The following PALLD variants were observed in gnomAD, a reference collection of about 807,000 sequenced individuals.
PALLD encodes the protein palladin, cytoskeletal associated protein.
Under a neutral mutation model 123.5 loss-of-function variants are expected in PALLD, and 61 were observed. The observed-to-expected ratio is 0.49, with a 90% CI of 0.40 to 0.61. The LOEUF is 0.61. Among genes scored for constraint, PALLD ranks in the 20% least tolerant of loss-of-function variants. The probability of loss-of-function intolerance (pLI) is 0.00; values close to 1 mark genes in which losing one functional copy is unlikely to be tolerated. For missense variants in PALLD, 1,273 were observed against 1,377.0 expected (o/e 0.92, Z 1.20); for synonymous variants, 465 against 496.4 (o/e 0.94, Z 0.84).
intron 13 of PALLD, among the ~76,000 whole-genome samples, chr4:168,897,017 G>C (rs1358212321): frequency 6.6e-6 from 1 of 152,082 alleles, no homozygotes; most frequent in Admixed American, 6.6e-5. Context: ...TTTTAGCAGA[G>C]ATGGGGTTTC....
intron 10 of PALLD, among the ~76,000 whole-genome samples, chr4:168,771,086 A>AAG (rs1734372216): frequency 7.2e-6 from 1 of 138,122 alleles, no homozygotes; most frequent in African/African-American, 2.6e-5. Context: ...CAAAAAAAAA[A>AAG]CCTTAGTTTC....
chr4:168,600,136 T>C (rs6812455), intron 2 of PALLD, among the ~76,000 whole-genome samples: 3,725 of 149,422 alleles, frequency 0.025, 243 homozygotes, highest in African/African-American at 0.088. Context: ...TATACACACA[T>C]ATATACATAT....
chr4:168,843,315 C>T (rs569913906), intron 10 of PALLD, among the ~76,000 whole-genome samples: 2 of 152,226 alleles, frequency 1.3e-5, no homozygotes, highest in Non-Finnish European at 2.9e-5. Context: ...ATCACAGGCT[C>T]CACCTGGTCA....
chr4:168,668,039 G>A, intron 2 of PALLD, 151 bp from the exon 3 acceptor site: 1 of 674,886 alleles, frequency 1.5e-6, no homozygotes, highest in South Asian at 1.7e-5. Flanking sequence ...CTAAATTGTA[G>A]AGTTTCCATT....
chr4:168,719,711 C>A (rs2150253370), intron 10 of PALLD, among the ~76,000 whole-genome samples: 1 of 152,256 alleles, frequency 6.6e-6, no homozygotes, highest in Non-Finnish European at 1.5e-5. Flanking sequence ...GATAATTTTT[C>A]TGATCCTCTC....
intron 12 of PALLD, among the ~76,000 whole-genome samples, chr4:168,895,692 A>G (rs1754979990): frequency 6.6e-6 from 1 of 152,236 alleles, no homozygotes; most frequent in Non-Finnish European, 1.5e-5. Flanking sequence ...GGTCTTGCTT[A>G]TCTCAGGGGT....
At chr4:168,768,652 G>A (rs1400272592) in intron 10 of PALLD, among the ~76,000 whole-genome samples, 2 of 152,152 alleles carry the variant, frequency 1.3e-5, no homozygotes, top group Non-Finnish European at 2.9e-5. Context: ...TCTGGCCATG[G>A]CAGCTAATTT....
At chr4:168,787,796 G>A (rs1736956981) in intron 10 of PALLD, among the ~76,000 whole-genome samples, 1 of 152,162 alleles carries the variant, frequency 6.6e-6, no homozygotes, top group Non-Finnish European at 1.5e-5. Context: ...CTTGCTCCTA[G>A]CTCTCGAAGC....
chr4:168,787,882 C>CTT (rs1276707277), intron 10 of PALLD, among the ~76,000 whole-genome samples: 3 of 152,160 alleles, frequency 2.0e-5, no homozygotes, highest in African/African-American at 7.2e-5. Flanking sequence ...ACATTACACA[C>CTT]TTATGTATGT....
chr4:168,691,888 T>C (rs982391976), intron 8 of PALLD, among the ~76,000 whole-genome samples: 1 of 152,166 alleles, frequency 6.6e-6, no homozygotes, highest in African/African-American at 2.4e-5. Flanking sequence ...GGCCTAGCTG[T>C]TCCCTGCCTC....
chr4:168,858,890 T>G (rs891443201), intron 10 of PALLD, among the ~76,000 whole-genome samples: 2 of 152,200 alleles, frequency 1.3e-5, no homozygotes, highest in African/African-American at 4.8e-5. Flanking sequence ...GTTCTGCCCA[T>G]TGTCTGGCAC....
intron 2 of PALLD, among the ~76,000 whole-genome samples, chr4:168,584,473 A>C (rs1205857548): frequency 6.6e-6 from 1 of 152,208 alleles, no homozygotes; most frequent in East Asian, 1.9e-4. Context: ...GGATTTTGTC[A>C]TCTTTCCATT....
At chr4:168,500,564 T>C (rs929971300) in intron 1 of PALLD, among the ~76,000 whole-genome samples, 1 of 152,096 alleles carries the variant, frequency 6.6e-6, no homozygotes, top group Non-Finnish European at 1.5e-5. Flanking sequence ...TTTGTAGAGA[T>C]GAAATCTAAC....
At chr4:168,771,078 A>AAAC (rs58430179) in intron 10 of PALLD, among the ~76,000 whole-genome samples, 56,220 of 130,874 alleles carry the variant, frequency 0.43, 11,846 homozygotes, top group East Asian at 0.58. Context: ...AAAAAAAACA[A>AAAC]AAAAAAAACC....
intron 10 of PALLD, among the ~76,000 whole-genome samples, chr4:168,766,972 A>G (rs962602048): frequency 6.6e-6 from 1 of 152,182 alleles, no homozygotes; most frequent in Non-Finnish European, 1.5e-5. Flanking sequence ...CTTCTTTAGT[A>G]TAAACATCTC....
Position 168,783,046 on chromosome 4 carries a change from ATGTGTGTGTGTGTGTG to A in PALLD, c.1964+71147_1964+71162del, listed in dbSNP as rs150595576. The stretch of plus-strand genomic sequence containing the variant: ...TTCTACTCACAAATTTTATATATAT[ATGTGTGTGTGTGTGTG>A]TGTGTGTGTGTGTGTGTGTGTGTAT... On this transcript the variant is annotated intron_variant, in intron 10 of 21. Coordinates refer to ENST00000505667, the MANE Select transcript of PALLD (RefSeq NM_001166108.2). Among the ~76,000 whole-genome samples, 1,136 of 116,176 alleles carry A rather than the reference ATGTGTGTGTGTGTGTG, an allele frequency of 9.8e-3. 6 individuals are homozygous for A. Among genetic ancestry groups the A allele is most frequent in the Middle Eastern group, 0.03 (7 of 234 alleles). 76.2% of individuals were successfully genotyped at this position (116,176 alleles called of 152,430 possible). A position where few individuals can be genotyped will look rare whatever the true frequency, so the allele number is the denominator to read the frequency against.
chr4:168,797,550 G>A lies in PALLD; in HGVS notation c.1964+85627G>A, dbSNP rs185891000. On this transcript the variant is annotated intron_variant, in intron 10 of 21. Coordinates refer to ENST00000505667, the MANE Select transcript of PALLD (RefSeq NM_001166108.2). ...CCTTGGAAAAGAGCAGGTGCCTTAC[G>A]AAAAAGAAACTAGATTTGTGAGAAC... is the stretch of plus-strand genomic sequence containing the variant. Among the ~76,000 whole-genome samples the A allele has an allele frequency of 5.1e-3, 773 of 152,138 alleles. 15 individuals carry two copies. Among genetic ancestry groups the A allele is most frequent in the African/African-American group, 0.018 (737 of 41,474 alleles).
At chr4:168,915,068 C>T (rs1759828947) in intron 16 of PALLD, among the ~76,000 whole-genome samples, 1 of 152,170 alleles carries the variant, frequency 6.6e-6, no homozygotes, top group African/African-American at 2.4e-5. Flanking sequence ...TTCCTTATAT[C>T]AGTGGGTCCT....
chr4:168,649,491 A>G (rs1222168167), intron 2 of PALLD, among the ~76,000 whole-genome samples: 1 of 152,206 alleles, frequency 6.6e-6, no homozygotes, highest in Non-Finnish European at 1.5e-5. Context: ...GAAACGTGGA[A>G]GACATTAGTT....
Sources: allele counts gnomAD v4.1 joint callset (sites outside exome capture counted in the v4.1 genomes callset), GRCh38; gene constraint gnomAD v4.1.1; transcripts MANE v1.5; gene names NCBI Gene and HGNC (gene_info 2026-07-23, HGNC 2026-07-21).